CYP7B1: variants seen among roughly 807,000 people sequenced by gnomAD.
The protein encoded by CYP7B1 is cytochrome P450 7B1.
A neutral mutation model predicts 42.7 loss-of-function variants in CYP7B1; 29 were observed. That is an observed-to-expected ratio of 0.68 (90% CI 0.51 to 0.93). The LOEUF is 0.93. CYP7B1 is among the 40% of genes least tolerant of loss of function. The pLI is 0.00. For synonymous variants in CYP7B1, 235 were observed against 218.2 expected, an observed-to-expected ratio of 1.08 and a Z score of -0.68; for missense variants, 655 against 600.5, an observed-to-expected ratio of 1.09 and a Z score of -0.95.
At chr8:64,724,915 T>A (rs986200833) in intron 1 of CYP7B1, among the ~76,000 whole-genome samples, 13 of 152,228 alleles carry the variant, frequency 8.5e-5, no homozygotes, top group African/African-American at 2.9e-4. Context: ...AACCTTCCCC[T>A]GTCTTTCTGT....
At chr8:64,684,225 G>A (rs571115864) in intron 1 of CYP7B1, among the ~76,000 whole-genome samples, 284 of 152,334 alleles carry the variant, frequency 1.9e-3, no homozygotes, top group Middle Eastern at 3.4e-3. Context: ...GTATGAGTAA[G>A]ATGACATAGC....
At chr8:64,606,888 T>G (rs954961611) in intron 4 of CYP7B1, among the ~76,000 whole-genome samples, 2 of 152,140 alleles carry the variant, frequency 1.3e-5, no homozygotes, top group Non-Finnish European at 1.5e-5. Context: ...GAGCAGCTTT[T>G]CCACCAGCCC....
At chr8:64,684,812 A>AGG (rs1368083906) in intron 1 of CYP7B1, among the ~76,000 whole-genome samples, 1 of 152,258 alleles carries the variant, frequency 6.6e-6, no homozygotes, top group Non-Finnish European at 1.5e-5. Context: ...AGATATACAA[A>AGG]ATAGATACAT....
chr8:64,703,137 C>T (rs970223308), intron 1 of CYP7B1, among the ~76,000 whole-genome samples: 3 of 151,890 alleles, frequency 2.0e-5, no homozygotes, highest in African/African-American at 2.4e-5. Context: ...GCCTTATGAA[C>T]GGGTTGTCAG....
intron 1 of CYP7B1, among the ~76,000 whole-genome samples, chr8:64,660,962 G>C (rs1329177840): frequency 6.6e-6 from 1 of 152,192 alleles, no homozygotes; most frequent in Non-Finnish European, 1.5e-5. Flanking sequence ...GGAAAGTATA[G>C]TAAGAAAAAC....
chr8:64,621,730 T>G (rs1805532369), intron 2 of CYP7B1, among the ~76,000 whole-genome samples: 1 of 149,906 alleles, frequency 6.7e-6, no homozygotes, highest in Non-Finnish European at 1.5e-5. Flanking sequence ...TCAGAATGCA[T>G]ACAATTTTTT....
At chr8:64,642,015 A>G (rs892317296) in intron 1 of CYP7B1, among the ~76,000 whole-genome samples, 2 of 152,216 alleles carry the variant, frequency 1.3e-5, no homozygotes, top group African/African-American at 4.8e-5. Context: ...GAGCTAAACA[A>G]AAAGCTCTTT....
chr8:64,741,023 C>T (rs545145142), intron 1 of CYP7B1, among the ~76,000 whole-genome samples: 1 of 152,052 alleles, frequency 6.6e-6, no homozygotes, highest in African/African-American at 2.4e-5. Flanking sequence ...CCAGATAAAG[C>T]CATTACAAGA....
chr8:64,598,813 A>C (rs968939369), intron 5 of CYP7B1, among the ~76,000 whole-genome samples: 1 of 152,232 alleles, frequency 6.6e-6, no homozygotes, highest in Non-Finnish European at 1.5e-5. Flanking sequence ...TTCTCATAGT[A>C]AACATCTTAG....
intron 1 of CYP7B1, among the ~76,000 whole-genome samples, chr8:64,747,452 AC>A (rs1373502672): frequency 1.3e-5 from 2 of 151,400 alleles, no homozygotes; most frequent in African/African-American, 4.8e-5. Flanking sequence ...CAAAAGCCTT[AC>A]CAATAACATA....
In CYP7B1 at chr8:64,592,347, T is replaced by C. The variant is rs187296353; in HGVS notation, c.*4295A>G. ...CATAGTGATTTCTCATTACAGACCA[T>C]TACTTTGGAATGACTGATGGAAGGC... On this transcript the variant is annotated 3_prime_UTR_variant, in exon 6 of 6. Transcript: ENST00000310193. 1.1e-4 allele frequency among the ~76,000 whole-genome samples: 16 copies of C among 152,356 alleles called. No individual in the cohort carries two copies. The highest frequency in any genetic ancestry group is 2.0e-4 in the Admixed American group (3 of 15,304).
intron 1 of CYP7B1, among the ~76,000 whole-genome samples, chr8:64,722,951 A>C (rs1390212759): frequency 6.6e-6 from 1 of 152,168 alleles, no homozygotes; most frequent in Non-Finnish European, 1.5e-5. Context: ...TCTGTAGCTC[A>C]TTAAAATAAC....
In CYP7B1 at chr8:64,615,426, C is replaced by T. The variant is rs1035372959; in HGVS notation, c.851-194G>A. 3.2e-5 allele frequency among the ~76,000 whole-genome samples: 3 copies of T among 94,650 alleles called. No homozygotes were observed. The East Asian group carries it at 8.4e-4, about 26-fold the overall frequency. The allele number at this position is 94,650 out of a possible 152,430, so 62.1% of individuals were successfully genotyped here. On this transcript the variant is annotated intron_variant, in intron 3 of 5. Coordinates refer to ENST00000310193, the MANE Select transcript of CYP7B1 (RefSeq NM_004820.5). Reference sequence around the variant, plus strand: ...TAAAATGTAATGTGTATGGGGGGGGCGGTGTGGTGGGGGATGAGATAAGAG... The same window carrying T: ...TAAAATGTAATGTGTATGGGGGGGGTGGTGTGGTGGGGGATGAGATAAGAG...
At chr8:64,611,491 T>A (rs1805363033) in intron 4 of CYP7B1, among the ~76,000 whole-genome samples, 1 of 152,146 alleles carries the variant, frequency 6.6e-6, no homozygotes, top group African/African-American at 2.4e-5. Flanking sequence ...ATTTTTTCCT[T>A]TCTGTATTCT....
chr8:64,669,078 C>A (rs910921093), intron 1 of CYP7B1, among the ~76,000 whole-genome samples: 5 of 151,832 alleles, frequency 3.3e-5, no homozygotes, highest in Admixed American at 1.3e-4. Flanking sequence ...TAATGAGAAA[C>A]CTACTTTGCC....
chr8:64,698,914 G>C (rs989361293), intron 1 of CYP7B1, among the ~76,000 whole-genome samples: 1 of 152,054 alleles, frequency 6.6e-6, no homozygotes, highest in Non-Finnish European at 1.5e-5. Flanking sequence ...TTTTTTTCTA[G>C]TGACCCTAAG....
chr8:64,629,605 A>AC (rs1805659717), intron 1 of CYP7B1, among the ~76,000 whole-genome samples: 1 of 150,626 alleles, frequency 6.6e-6, no homozygotes, highest in African/African-American at 2.4e-5. Flanking sequence ...TGTTTGAACG[A>AC]CTTTTTTTTT....
At chr8:64,792,844 T>C (rs1804642013) in intron 1 of CYP7B1, among the ~76,000 whole-genome samples, 1 of 152,164 alleles carries the variant, frequency 6.6e-6, no homozygotes, top group Non-Finnish European at 1.5e-5. Flanking sequence ...TTTGGGTCTA[T>C]TTGGGATGGA....
At chr8:64,731,216 C>A (rs1214077881) in intron 1 of CYP7B1, among the ~76,000 whole-genome samples, 1 of 152,084 alleles carries the variant, frequency 6.6e-6, no homozygotes, top group Non-Finnish European at 1.5e-5. Context: ...GTGGAAGCAA[C>A]TTTGGAACTG....
Sources: gnomAD v4.1 joint callset for allele counts (sites outside exome capture counted in the v4.1 genomes callset) on GRCh38, gnomAD v4.1.1 for gene constraint, MANE v1.5 for transcripts, NCBI Gene and HGNC (gene_info 2026-07-23, HGNC 2026-07-21) for gene names.